Variants in OFD1 observed in about 807,000 individuals in gnomAD.
OFD1 encodes the protein centriole and centriolar satellite protein OFD1.
In OFD1, 12 loss-of-function variants were observed where a neutral mutation model predicts 81.4. The ratio of observed to expected loss-of-function variants is 0.15; its 90% CI spans 0.09 to 0.24. OFD1 has a LOEUF of 0.24. OFD1 is among the 10% of genes least tolerant of loss of function. The pLI is 1.00. For missense variants in OFD1, 685 were observed against 733.9 expected, an observed-to-expected ratio of 0.93 and a Z score of 0.77; for synonymous variants, 256 against 263.7, an observed-to-expected ratio of 0.97 and a Z score of 0.28.
intron 5 of OFD1, among the ~76,000 whole-genome samples, chrX:13,741,804 A>G (rs1274200816): frequency 8.9e-6 from 1 of 111,842 alleles, no homozygotes; most frequent in African/African-American, 3.3e-5. Flanking sequence ...CTTGGGACTC[A>G]TTGTCCAGAA....
chrX:13,723,299 C>T, the OFD1 span, among the ~76,000 whole-genome samples: 4 of 110,296 alleles, frequency 3.6e-5, no homozygotes, highest in African/African-American at 1.3e-4. Context: ...TCTTGAGTAG[C>T]CAGGAGTATA....
At chrX:13,729,384 C>T in the OFD1 span, among the ~76,000 whole-genome samples, 4 of 112,004 alleles carry the variant, frequency 3.6e-5, no homozygotes, top group Non-Finnish European at 7.5e-5. Context: ...CAGCATGGTA[C>T]TGGTACCGAA....
Position 13,762,359 on chromosome X carries a change from A to T in OFD1, c.2403A>T (p.Gln801His). 9 of 1,194,406 alleles carry T rather than the reference A, an allele frequency of 7.5e-6. No individual in the cohort carries two copies. The highest frequency in any genetic ancestry group is 1.0e-5 in the Non-Finnish European group (9 of 879,526). ...PEQKVGLYRR[Q>H]TELQDKSEFS... The stretch of plus-strand genomic sequence containing the variant: ...TCCAATCTAGTCTTTATCGAAGACA[A>T]ACTGAACTTCAAGACAAAAGTGAAT... Residue 801 changes from glutamine (Q) to histidine (H), a missense_variant, in exon 18 of 23, where the codon CAA (glutamine) becomes CAT (histidine). Transcript: ENST00000340096.
chrX:13,743,736 C>T (rs1306497288), intron 5 of OFD1, among the ~76,000 whole-genome samples: 1 of 110,118 alleles, frequency 9.1e-6, no homozygotes, highest in African/African-American at 3.3e-5. Context: ...GTTTTTTCTG[C>T]AAACTACCCA....
chrX:13,722,208 C>CCAAAAAAAAAAAAAAAAAAAAAAAAAA, the OFD1 span: 1 of 36,116 alleles, frequency 2.8e-5, no homozygotes, highest in African/African-American at 1.2e-4. Flanking sequence ...TAAGCAGCAG[C>CCAAAAAAAAAAAAAAAAAAAAAAAAAA]AAAAAAAAAA....
intron 11 of OFD1, 140 bp downstream of exon 11, chrX:13,753,581 T>C (rs2047584849): frequency 1.8e-6 from 1 of 555,985 alleles, no homozygotes; most frequent in Non-Finnish European, 2.8e-6. Context: ...TTTTGTAATT[T>C]TAATTTTATA....
In OFD1 at chrX:13,757,633, ATT is replaced by A. The variant is rs36052228; in HGVS notation, c.1412-12_1412-11del. 0.025 allele frequency: 24,849 copies of A among 992,249 alleles called. 1 individual carries two copies. Among genetic ancestry groups the A allele is most frequent in the Admixed American group, 0.1 (3,609 of 35,440 alleles). 81.8% of individuals were successfully genotyped at this position (992,249 alleles called of 1,213,427 possible). A position where few individuals can be genotyped will look rare whatever the true frequency, so the allele number is the denominator to read the frequency against. ...AAACTTAAGGTTGGTAATGACTAGG[ATT>A]TTTTTTTTTTTTTTACCTTCTTAGG... On this transcript the variant is annotated intron_variant, in intron 13 of 22. Coordinates refer to ENST00000340096, the MANE Select transcript of OFD1 (RefSeq NM_003611.3).
At chrX:13,752,722 TG>T in intron 10 of OFD1, 1 of 971,989 alleles carries the variant, frequency 1.0e-6, no homozygotes, top group Non-Finnish European at 1.3e-6. Context: ...GGCTGCATGG[TG>T]TCTGCCTGGC....
the OFD1 span, among the ~76,000 whole-genome samples, chrX:13,723,093 C>G: frequency 2.1e-5 from 1 of 48,664 alleles, no homozygotes; most frequent in East Asian, 9.3e-4. Context: ...AAGACTCCAT[C>G]TCAAAAAAAA....
At chrX:13,755,359 C>A in intron 12 of OFD1, 117 bp downstream of exon 12, 1 of 522,850 alleles carries the variant, frequency 1.9e-6, no homozygotes, top group Non-Finnish European at 3.3e-6. Flanking sequence ...ATTTATATGG[C>A]TAAGAAGGTG....
intron 11 of OFD1, 83 bp from the exon 12 acceptor site, chrX:13,755,068 G>A: frequency 2.9e-6 from 2 of 679,399 alleles, no homozygotes; most frequent in Non-Finnish European, 4.8e-6. Flanking sequence ...CATTAGGTCT[G>A]ACATACTGGC....
rs35839446 is a variant in OFD1 at position 13,749,121 on chromosome X, CA to C, written c.829-287del. 0.21 allele frequency among the ~76,000 whole-genome samples: 14,348 copies of C among 68,779 alleles called. 930 individuals carry two copies. Among genetic ancestry groups the C allele is most frequent in the Non-Finnish European group, 0.23 (8,050 of 35,346 alleles). 59.7% of individuals were successfully genotyped at this position (68,779 alleles called of 115,157 possible). On this transcript the variant is annotated intron_variant, in intron 8 of 22. Transcript: ENST00000340096. ...TGTGTGACAGAGTGAGACCCTGTCT[CA>C]AAAAAAAAAAAAAAAAAATTTTTTT...
chrX:13,742,389 C>A (rs763269750), intron 5 of OFD1, among the ~76,000 whole-genome samples: 14 of 111,278 alleles, frequency 1.3e-4, no homozygotes, highest in African/African-American at 4.6e-4. Context: ...ATAAAACTTC[C>A]AGATGAGAAC....
At chrX:13,722,208 C>CCAAAAAAAAAAA in the OFD1 span, 1 of 36,118 alleles carries the variant, frequency 2.8e-5, no homozygotes, top group African/African-American at 1.2e-4. Flanking sequence ...TAAGCAGCAG[C>CCAAAAAAAAAAA]AAAAAAAAAA....
chrX:13,768,605 CCT>C (rs1287708925), intron 21 of OFD1, 111 bp from the exon 22 acceptor site: 9 of 624,341 alleles, frequency 1.4e-5, no homozygotes, highest in East Asian at 3.4e-5. Context: ...TTAAAAGTCA[CCT>C]CTTTTTTAGA....
intron 10 of OFD1, 166 bp from the exon 11 acceptor site, chrX:13,753,202 G>A: frequency 1.8e-6 from 2 of 1,082,573 alleles, no homozygotes; most frequent in South Asian, 5.0e-5. Flanking sequence ...GGCATTTTAT[G>A]TTCAGGGGTT....
rs745838213 is a variant in OFD1, at chrX:13,755,230, G to A, written c.1209G>A (p.Val403=). The A allele has an allele frequency of 5.1e-6, 6 of 1,178,024 alleles. No homozygotes were observed. The African/African-American group carries it at 7.0e-5, about 14-fold the overall frequency. ...KEELNQSVNR[V]KELELELESV... ...AACTCAATCAATCTGTAAATCGTGT[G>A]AAAGAACTTGAGGTAATTGTTAAGC... Residue 403 remains valine (V), a synonymous_variant, in exon 12 of 23, where the codon GTG becomes GTA. Coordinates refer to ENST00000340096, the MANE Select transcript of OFD1 (RefSeq NM_003611.3).
At chrX:13,747,624 G>A (rs1007477800) in intron 8 of OFD1, among the ~76,000 whole-genome samples, 2 of 111,873 alleles carry the variant, frequency 1.8e-5, no homozygotes. Context: ...GGGTTGAGTG[G>A]CAGTCTCAGT....
chrX:13,757,599 T>C, intron 13 of OFD1, 61 bp from the exon 14 acceptor site: 1 of 1,156,619 alleles, frequency 8.6e-7, no homozygotes, highest in Non-Finnish European at 1.2e-6. Context: ...TTTGTTAAGT[T>C]AAATAAGAAA....
Sources: allele counts gnomAD v4.1 joint callset (sites outside exome capture counted in the v4.1 genomes callset), GRCh38; gene constraint gnomAD v4.1.1; transcripts MANE v1.5; gene names NCBI Gene and HGNC (gene_info 2026-07-23, HGNC 2026-07-21).